GPATCH2: variants seen among roughly 807,000 people sequenced by gnomAD.
GPATCH2 encodes G patch domain-containing protein 2.
In GPATCH2, 51 loss-of-function variants were observed where a neutral mutation model predicts 58.0. The observed-to-expected ratio is 0.88, with a 90% CI of 0.70 to 1.11. The LOEUF (loss-of-function observed/expected upper bound fraction) is 1.11, where lower values mean the gene tolerates loss of function less well. Ranked by LOEUF, GPATCH2 falls within the 50% of genes most tolerant of loss-of-function variation. The pLI, the probability that GPATCH2 is intolerant of heterozygous loss-of-function variation, is 0.00. For missense variants in GPATCH2, 625 were observed against 652.2 expected, an observed-to-expected ratio of 0.96 and a Z score of 0.45; for synonymous variants, 222 against 218.5, an observed-to-expected ratio of 1.02 and a Z score of -0.14.
chr1:217,503,407 G>GAAAATT (rs1662399693), intron 6 of GPATCH2, among the ~76,000 whole-genome samples: 1 of 152,038 alleles, frequency 6.6e-6, no homozygotes, highest in Admixed American at 6.6e-5. Flanking sequence ...ACACATTAAA[G>GAAAATT]AAAATTAAAG....
chr1:217,587,537 AC>A (rs1360376304), intron 5 of GPATCH2, among the ~76,000 whole-genome samples: 3 of 152,202 alleles, frequency 2.0e-5, no homozygotes, highest in African/African-American at 7.2e-5. Flanking sequence ...GCAAACCCAA[AC>A]CAGGCCAATG....
intron 1 of GPATCH2, among the ~76,000 whole-genome samples, chr1:217,629,385 T>G (rs747890886): frequency 1.3e-5 from 2 of 152,160 alleles, no homozygotes; most frequent in Non-Finnish European, 1.5e-5. Context: ...GTGAGTTGTA[T>G]GACAAGCGAG....
intron 9 of GPATCH2, among the ~76,000 whole-genome samples, chr1:217,440,797 A>T (rs149392423): frequency 6.6e-6 from 1 of 152,104 alleles, no homozygotes; most frequent in African/African-American, 2.4e-5. Context: ...ATACAACTTA[A>T]AAGGGATGTG....
intron 6 of GPATCH2, among the ~76,000 whole-genome samples, chr1:217,509,009 A>G (rs1662705810): frequency 6.6e-6 from 1 of 152,204 alleles, no homozygotes; most frequent in South Asian, 2.1e-4. Flanking sequence ...TTTTATAATT[A>G]TGACACTCTG....
chr1:217,572,740 C>T (rs1326775750), intron 5 of GPATCH2, among the ~76,000 whole-genome samples: 1 of 152,152 alleles, frequency 6.6e-6, no homozygotes, highest in African/African-American at 2.4e-5. Context: ...GGTTCCACCC[C>T]CAGAGGTTAT....
chr1:217,554,013 G>A (rs985863703), intron 5 of GPATCH2, among the ~76,000 whole-genome samples: 1 of 152,136 alleles, frequency 6.6e-6, no homozygotes, highest in East Asian at 1.9e-4. Context: ...TCGTCCAGAT[G>A]GGACCAACTG....
chr1:217,581,944 C>A (rs1667102750), intron 5 of GPATCH2, among the ~76,000 whole-genome samples: 1 of 150,934 alleles, frequency 6.6e-6, no homozygotes, highest in Admixed American at 6.6e-5. Context: ...GAGCAAGACT[C>A]CGTCTGGGGG....
chr1:217,443,863 T>C (rs568869982), intron 9 of GPATCH2, among the ~76,000 whole-genome samples: 17 of 152,240 alleles, frequency 1.1e-4, no homozygotes, highest in Admixed American at 1.1e-3. Flanking sequence ...CTCAAATTTC[T>C]ACTCGATTCT....
chr1:217,586,448 C>T (rs1446091886), intron 5 of GPATCH2, among the ~76,000 whole-genome samples: 2 of 151,920 alleles, frequency 1.3e-5, no homozygotes, highest in Non-Finnish European at 2.9e-5. Flanking sequence ...AGGTGAGAAT[C>T]ATCAATATCA....
chr1:217,622,821 C>T (rs1558535195), intron 1 of GPATCH2, among the ~76,000 whole-genome samples: 1 of 152,222 alleles, frequency 6.6e-6, no homozygotes, highest in African/African-American at 2.4e-5. Flanking sequence ...GAATTATAGG[C>T]GTGAGCCACC....
intron 6 of GPATCH2, among the ~76,000 whole-genome samples, chr1:217,499,071 G>C (rs141784236): frequency 1.4e-3 from 213 of 152,186 alleles, no homozygotes; most frequent in African/African-American, 4.9e-3. Flanking sequence ...CCTTTTCCAC[G>C]GGAGTTGTTA....
chr1:217,519,276 T>C (rs1663329128), intron 5 of GPATCH2, among the ~76,000 whole-genome samples: 1 of 152,204 alleles, frequency 6.6e-6, no homozygotes, highest in Non-Finnish European at 1.5e-5. Context: ...TATCTATTCT[T>C]ATAATATTAC....
intron 1 of GPATCH2, 143 bp downstream of exon 1, chr1:217,630,773 C>T: frequency 1.6e-6 from 1 of 617,788 alleles, no homozygotes; most frequent in Non-Finnish European, 2.8e-6. Flanking sequence ...TGCGTGCATC[C>T]CAGGAATGAG....
intron 9 of GPATCH2, among the ~76,000 whole-genome samples, chr1:217,444,840 A>G (rs1177232452): frequency 6.6e-6 from 1 of 152,224 alleles, no homozygotes; most frequent in African/African-American, 2.4e-5. Context: ...TTGATAAGAT[A>G]AATTTGGACA....
At chr1:217,623,152 T>A (rs1669281493) in intron 1 of GPATCH2, among the ~76,000 whole-genome samples, 1 of 152,156 alleles carries the variant, frequency 6.6e-6, no homozygotes, top group African/African-American at 2.4e-5. Context: ...AAAATCAATA[T>A]CCTCTCTCTC....
intron 5 of GPATCH2, among the ~76,000 whole-genome samples, chr1:217,554,951 C>A (rs1665548342): frequency 6.6e-6 from 1 of 152,312 alleles, no homozygotes; most frequent in East Asian, 1.9e-4. Context: ...CAAGCTTTTA[C>A]AGACAGTGCT....
intron 8 of GPATCH2, among the ~76,000 whole-genome samples, chr1:217,469,452 GA>G (rs1460805447): frequency 6.6e-6 from 1 of 151,996 alleles, no homozygotes; most frequent in Non-Finnish European, 1.5e-5. Context: ...AAGGAATGAT[GA>G]AAAACAATTT....
chr1:217,569,515 C>T (rs573608210), intron 5 of GPATCH2, among the ~76,000 whole-genome samples: 36 of 151,558 alleles, frequency 2.4e-4, no homozygotes, highest in South Asian at 1.3e-3. Flanking sequence ...GCTAACGTGG[C>T]GAAACCCCGC....
intron 9 of GPATCH2, among the ~76,000 whole-genome samples, chr1:217,437,437 C>T (rs1658892675): frequency 6.6e-6 from 1 of 152,166 alleles, no homozygotes; most frequent in Admixed American, 6.5e-5. Context: ...TGGTCTAGCT[C>T]AGCACATCCC....
Sources: allele counts gnomAD v4.1 joint callset (sites outside exome capture counted in the v4.1 genomes callset), GRCh38; gene constraint gnomAD v4.1.1; transcripts MANE v1.5; gene names NCBI Gene and HGNC (gene_info 2026-07-23, HGNC 2026-07-21).